The following NEDD4L variants were observed in gnomAD, a reference collection of about 807,000 sequenced individuals.
NEDD4L encodes E3 ubiquitin-protein ligase NEDD4-like.
In NEDD4L, 54 loss-of-function variants were observed where a neutral mutation model predicts 148.9. The observed-to-expected ratio is 0.36, with a 90% CI of 0.29 to 0.45. The LOEUF (loss-of-function observed/expected upper bound fraction) is 0.45. NEDD4L is among the 20% of genes least tolerant of loss of function. The probability of loss-of-function intolerance (pLI) is 1.00; values close to 1 mark genes in which losing one functional copy is unlikely to be tolerated. For missense variants in NEDD4L, 856 were observed against 1,233.8 expected, an observed-to-expected ratio of 0.69 and a Z score of 4.59; for synonymous variants, 433 against 440.7, an observed-to-expected ratio of 0.98 and a Z score of 0.22.
At chr18:58,264,664 G>A (rs2049961017) in intron 5 of NEDD4L, among the ~76,000 whole-genome samples, 1 of 151,946 alleles carries the variant, frequency 6.6e-6, no homozygotes, top group African/African-American at 2.4e-5. Context: ...TGGCATCTGT[G>A]TGTTAAGAAC....
At chr18:58,083,775 A>G (rs1004573920) in intron 1 of NEDD4L, among the ~76,000 whole-genome samples, 3 of 152,260 alleles carry the variant, frequency 2.0e-5, no homozygotes, top group Admixed American at 6.5e-5. Flanking sequence ...TGGTATATCC[A>G]TACAATGAAT....
intron 1 of NEDD4L, among the ~76,000 whole-genome samples, chr18:58,132,223 T>A (rs1225647748): frequency 6.8e-6 from 1 of 146,330 alleles, no homozygotes; most frequent in Non-Finnish European, 1.6e-5. Context: ...TGAAAGTTGT[T>A]GTTATTGTTG....
At position 58,333,886 on chromosome 18, in the gene NEDD4L, A is replaced by G. The variant is rs1167573551; in HGVS notation, c.1059A>G (p.Leu353=). 1 of 1,608,534 alleles carries G rather than the reference A, an allele frequency of 6.2e-7. No individual in the cohort carries two copies. Among genetic ancestry groups the G allele is most frequent in the Non-Finnish European group, 8.5e-7 (1 of 1,176,850 alleles). ...VTDAVAEQGH[L]PPPSAPAGRA... ...ACGCAGTTGCAGAACAGGGCCATCT[A>G]CCACCGGTAACCCATGCTAATTTCC... is the stretch of plus-strand genomic sequence containing the variant. Residue 353 remains leucine (L), a synonymous_variant, in exon 12 of 31, where the codon CTA becomes CTG. Transcript: ENST00000400345.
At chr18:58,352,205 A>G (rs7233282) in intron 18 of NEDD4L, among the ~76,000 whole-genome samples, 2 of 152,228 alleles carry the variant, frequency 1.3e-5, no homozygotes, top group African/African-American at 4.8e-5. Context: ...AGATTTGTCA[A>G]CTGTCCAGAA....
chr18:58,060,923 T>C (rs2082303990), intron 1 of NEDD4L, among the ~76,000 whole-genome samples: 2 of 152,156 alleles, frequency 1.3e-5, no homozygotes, highest in African/African-American at 2.4e-5. Flanking sequence ...CACACCCAGC[T>C]AATTGTTGTA....
intron 1 of NEDD4L, among the ~76,000 whole-genome samples, chr18:58,102,322 T>C (rs558719482): frequency 6.6e-6 from 1 of 152,300 alleles, no homozygotes; most frequent in South Asian, 2.1e-4. Flanking sequence ...AATCAACTTT[T>C]AACTACTATA....
At chr18:58,059,100 T>C (rs968328512) in intron 1 of NEDD4L, among the ~76,000 whole-genome samples, 2 of 152,310 alleles carry the variant, frequency 1.3e-5, no homozygotes, top group East Asian at 3.9e-4. Flanking sequence ...TCTTCTTTCT[T>C]TTTTTTCCTT....
intron 1 of NEDD4L, among the ~76,000 whole-genome samples, chr18:58,163,857 C>T (rs2036521841): frequency 1.3e-5 from 2 of 152,132 alleles, no homozygotes; most frequent in Non-Finnish European, 2.9e-5. Flanking sequence ...AAAGATCCAC[C>T]ATCCTGTACC....
intron 5 of NEDD4L, among the ~76,000 whole-genome samples, chr18:58,263,373 T>G (rs1054369314): frequency 6.6e-6 from 1 of 152,206 alleles, no homozygotes; most frequent in South Asian, 2.1e-4. Flanking sequence ...GTGAGTCAAG[T>G]GACTTTTACT....
At chr18:58,334,098 C>T in intron 12 of NEDD4L, 1 of 472,426 alleles carries the variant, frequency 2.1e-6, no homozygotes. Flanking sequence ...ATGCTGGAAC[C>T]TCCATTGCTT....
chr18:58,077,189 T>C (rs868769849), intron 1 of NEDD4L, among the ~76,000 whole-genome samples: 13 of 99,898 alleles, frequency 1.3e-4, no homozygotes, highest in African/African-American at 6.7e-4. Flanking sequence ...TTTTTTTTTT[T>C]TTGAGACAGG....
chr18:58,397,326 C>T lies in NEDD4L; in HGVS notation c.*1057C>T, dbSNP rs1455215165. On this transcript the variant is annotated 3_prime_UTR_variant, in exon 31 of 31. Transcript: ENST00000400345. The stretch of plus-strand genomic sequence containing the variant: ...ACCAATTCTGAAGGCACTTTATGTA[C>T]TACATGGAGGTCATATCTGGTTTTG... 3 of 152,614 alleles carry T rather than the reference C, an allele frequency of 2.0e-5. No homozygotes were observed. Among genetic ancestry groups the T allele is most frequent in the African/African-American group, 7.2e-5 (3 of 41,448 alleles). The allele number at this position is 152,614 out of a possible 1,614,324, so 9.5% of individuals were successfully genotyped here.
rs775137243 is a variant in NEDD4L, at chr18:58,341,101, G to A, written c.1189G>A (p.Ala397Thr). ...TTCAGGCTGGGAAGAAAGAAAAGAT[G>A]CTAAGGGGCGCACATACTATGTCAA... ...LPSGWEERKD[A>T]KGRTYYVNHN... Residue 397 changes from alanine to threonine, a missense_variant, in exon 14 of 31, where the codon GCT becomes ACT. Physicochemically the swap from Ala to Thr is moderately conservative, Grantham distance 58. Around this residue, in one of 4 missense-constraint regions of NEDD4L, gnomAD observed 367 missense variants for 422.7 expected, o/e 0.87. Transcript: ENST00000400345. 2 of 1,612,082 alleles carry A rather than the reference G, an allele frequency of 1.2e-6. No homozygotes were observed. Among genetic ancestry groups the A allele is most frequent in the South Asian group, 1.1e-5 (1 of 90,318 alleles).
intron 2 of NEDD4L, among the ~76,000 whole-genome samples, chr18:58,226,113 G>A (rs2044323135): frequency 6.6e-6 from 1 of 152,138 alleles, no homozygotes; most frequent in Non-Finnish European, 1.5e-5. Context: ...TGATCTTGGA[G>A]CAGAATGAAT....
chr18:58,327,250 G>A (rs1016666057), intron 9 of NEDD4L, among the ~76,000 whole-genome samples: 8 of 152,068 alleles, frequency 5.3e-5, no homozygotes, highest in African/African-American at 7.2e-5. Context: ...GGCGCCCGCC[G>A]CCATGCCCAG....
intron 1 of NEDD4L, among the ~76,000 whole-genome samples, chr18:58,137,055 A>G (rs552396296): frequency 3.3e-5 from 5 of 152,380 alleles, no homozygotes; most frequent in Admixed American, 1.3e-4. Context: ...TACGATACGC[A>G]GTCTGGCAAA....
chr18:58,141,950 A>G (rs1261683836), intron 1 of NEDD4L, among the ~76,000 whole-genome samples: 1 of 151,662 alleles, frequency 6.6e-6, no homozygotes, highest in Non-Finnish European at 1.5e-5. Flanking sequence ...GCTTAGGGTC[A>G]TGGCAAACTT....
At chr18:58,369,786 C>A (rs975523533) in intron 22 of NEDD4L, among the ~76,000 whole-genome samples, 3 of 152,322 alleles carry the variant, frequency 2.0e-5, no homozygotes, top group Non-Finnish European at 2.9e-5. Context: ...GACCTCGCTG[C>A]TGTTGCCTCC....
intron 1 of NEDD4L, among the ~76,000 whole-genome samples, chr18:58,131,854 A>G (rs2032202502): frequency 6.6e-6 from 1 of 152,136 alleles, no homozygotes; most frequent in African/African-American, 2.4e-5. Flanking sequence ...GTATGCCTGT[A>G]TACCTGGAAA....
Sources: gnomAD v4.1 joint callset for allele counts (sites outside exome capture counted in the v4.1 genomes callset) on GRCh38, gnomAD v4.1.1 for gene constraint, gnomAD v4.1.1 regional missense constraint, MANE v1.5 for transcripts, NCBI Gene and HGNC (gene_info 2026-07-23, HGNC 2026-07-21) for gene names.